Variants in AKAP1 observed in about 807,000 individuals in gnomAD.
AKAP1 encodes the protein A-kinase anchoring protein 1.
A neutral mutation model predicts 79.8 loss-of-function variants in AKAP1; 32 were observed. That is an observed-to-expected ratio of 0.40 (90% confidence interval 0.30 to 0.54). The LOEUF is 0.54. Among genes scored for constraint, AKAP1 ranks in the 20% least tolerant of loss-of-function variants. The pLI is 0.47. For missense variants in AKAP1, 961 were observed against 1,138.9 expected (o/e 0.84, Z 2.25); for synonymous variants, 416 against 466.7 (o/e 0.89, Z 1.40).
At chr17:57,095,415 C>G (rs913725016) in intron 1 of AKAP1, 1 of 151,396 alleles carries the variant, frequency 6.6e-6, no homozygotes, top group Non-Finnish European at 1.5e-5. Flanking sequence ...GCAATCCTCC[C>G]GAAGTGTTGG....
intron 2 of AKAP1, 36 bp from the exon 3 acceptor site, chr17:57,109,980 AGTGGGGTCT>A: frequency 6.2e-7 from 1 of 1,600,980 alleles, no homozygotes; most frequent in Non-Finnish European, 8.5e-7. Flanking sequence ...GGCTGCTCTG[AGTGGGGTCT>A]GTGTGTGTGC....
Position 57,086,016 on chromosome 17 carries a change from G to C in AKAP1, c.-25+618G>C. On this transcript the variant is annotated intron_variant, in intron 1 of 10. Coordinates refer to ENST00000337714, the MANE Select transcript of AKAP1 (RefSeq NM_003488.4). This position sits in a 1 kb window ranked among gnomAD's most constrained non-coding sequence, Gnocchi z 5.1. ...GGAAGATGGGCCGGGACATCGGCCG[G>C]TTGTGATCCAACCGTGTTTCGGGCT... 5.1e-6 allele frequency: 1 copy of C among 194,816 alleles called. No individual in the cohort carries two copies. 12.1% of individuals were successfully genotyped at this position (194,816 alleles called of 1,614,324 possible).
chr17:57,100,039 G>A (rs993893113), intron 1 of AKAP1, among the ~76,000 whole-genome samples: 8 of 152,138 alleles, frequency 5.3e-5, no homozygotes, highest in African/African-American at 1.9e-4. Flanking sequence ...TTCTAAAGGG[G>A]TGGGGCTTCT....
chr17:57,120,234 GAA>G lies in AKAP1; in HGVS notation c.2638-15_2638-14del, dbSNP rs748102703. The G allele has an allele frequency of 1.0e-4, 166 of 1,609,700 alleles. 1 individual carries two copies. Among genetic ancestry groups the G allele is most frequent in the Non-Finnish European group, 1.3e-4 (150 of 1,178,536 alleles). ...GATGCCATGGACAAAAGCTTTAAGG[GAA>G]CTTTCTTTTCTAGGTGGTGTTGATA... On this transcript the variant is annotated splice_polypyrimidine_tract_variant and intron_variant, in intron 10 of 10. Transcript: ENST00000337714.
At chr17:57,117,685 C>A (rs182718672) in intron 8 of AKAP1, among the ~76,000 whole-genome samples, 192 of 149,826 alleles carry the variant, frequency 1.3e-3, no homozygotes, top group African/African-American at 4.5e-3. Flanking sequence ...TGCTGTTGCC[C>A]CTCCTTCCTC....
intron 3 of AKAP1, among the ~76,000 whole-genome samples, chr17:57,110,501 C>T (rs1915174886): frequency 6.6e-6 from 1 of 152,180 alleles, no homozygotes; most frequent in Non-Finnish European, 1.5e-5. Context: ...GCCAGAATCC[C>T]TTCACTGAGC....
chr17:57,112,757 G>A, intron 5 of AKAP1, 139 bp downstream of exon 5: 2 of 1,283,106 alleles, frequency 1.6e-6, no homozygotes, highest in Non-Finnish European at 2.1e-6. Flanking sequence ...GCCTCTGCTG[G>A]TCGGTTCTGC....
chr17:57,101,070 A>C lies in AKAP1; in HGVS notation c.-24-4371A>C, dbSNP rs146240851. On this transcript the variant is annotated intron_variant, in intron 1 of 10. Transcript: ENST00000337714. ...AATTATTTTTATTGGGCAGCCCCCA[A>C]ACTAGAATAGGTGTAGGGAGACTTC... Among the ~76,000 whole-genome samples, 12 of 152,370 alleles carry C rather than the reference A, an allele frequency of 7.9e-5. 1 individual carries two copies. In the East Asian group the frequency reaches 2.1e-3, roughly 27 times the overall value.
chr17:57,103,427 A>C (rs1311146605), intron 1 of AKAP1, among the ~76,000 whole-genome samples: 1 of 152,204 alleles, frequency 6.6e-6, no homozygotes, highest in Non-Finnish European at 1.5e-5. Context: ...ATTTCTAGCA[A>C]GGTCCTAGGC....
chr17:57,119,151 CTG>C (rs1294927763), intron 10 of AKAP1, 107 bp downstream of exon 10: 5 of 1,247,100 alleles, frequency 4.0e-6, no homozygotes, highest in Admixed American at 3.5e-5. Context: ...GAGGATATAA[CTG>C]TAGACAAGCA....
In AKAP1 at chr17:57,104,167, C is replaced by T. The variant is rs548747474; in HGVS notation, c.-24-1274C>T. On this transcript the variant is annotated intron_variant, in intron 1 of 10. Transcript: ENST00000337714. The stretch of plus-strand genomic sequence containing the variant: ...TAGAGACAGGGTTTCACCGTGTTGC[C>T]CAGGCTAGTCTCAAACTTCTGACCT... 2.0e-5 allele frequency among the ~76,000 whole-genome samples: 3 copies of T among 152,224 alleles called. No homozygotes were observed. In the East Asian group the frequency reaches 5.8e-4, roughly 29 times the overall value.
intron 6 of AKAP1, 105 bp from the exon 7 acceptor site, chr17:57,116,006 T>A (rs1488691010): frequency 2.9e-6 from 4 of 1,360,688 alleles, no homozygotes; most frequent in Non-Finnish European, 4.0e-6. Flanking sequence ...CTGTGGAGGT[T>A]GCAGGCCTCT....
chr17:57,118,879 C>A, intron 9 of AKAP1, 103 bp from the exon 10 acceptor site: 1 of 1,294,622 alleles, frequency 7.7e-7, no homozygotes, highest in South Asian at 1.3e-5. Context: ...CCCACCAGGT[C>A]TCTCCCTCGA....
In AKAP1 at chr17:57,106,487, TGAG is replaced by T. The variant is rs1343045714; in HGVS notation, c.1027_1029del (p.Glu343del). The T allele has an allele frequency of 5.0e-6, 8 of 1,613,162 alleles. No individual in the cohort carries two copies. The highest frequency in any genetic ancestry group is 2.7e-5 in the African/African-American group (2 of 74,402). On this transcript the variant is annotated inframe_deletion, in exon 2 of 11. Transcript: ENST00000337714. ...GAAATGAGGAGGGCTTGGATAGAAATGAGGAGATTAAGCGGGCTGCCTTCCAGA... is the reference window on the plus strand; with the variant it reads ...GAAATGAGGAGGGCTTGGATAGAAATGAGATTAAGCGGGCTGCCTTCCAGA...
chr17:57,110,300 A>G (rs1915162206), intron 3 of AKAP1, 142 bp downstream of exon 3: 19 of 1,156,046 alleles, frequency 1.6e-5, no homozygotes, highest in Middle Eastern at 3.0e-4. Flanking sequence ...GGCCGCAGGG[A>G]AAGGACACGC....
At chr17:57,112,422 G>A in intron 4 of AKAP1, 69 bp from the exon 5 acceptor site, 1 of 1,568,910 alleles carries the variant, frequency 6.4e-7, no homozygotes, top group South Asian at 1.2e-5. Flanking sequence ...CTGTGGCTGT[G>A]TTTTTGTGAG....
chr17:57,107,046 A>G lies in AKAP1; in HGVS notation c.1582A>G (p.Arg528Gly). 6.2e-7 allele frequency: 1 copy of G among 1,614,130 alleles called. No homozygotes were observed. Among genetic ancestry groups the G allele is most frequent in the Non-Finnish European group, 8.5e-7 (1 of 1,180,026 alleles). Reference protein sequence around the residue: ...DSCTETSSSPRDKAITPPLPE... With the variant: ...DSCTETSSSPGDKAITPPLPE... The stretch of plus-strand genomic sequence containing the variant: ...TTGCACAGAGACCAGCTCGAGCCCC[A>G]GGGACAAGGCCATCACCCCGCCACT... Residue 528 changes from arginine (R) to glycine (G), a missense_variant, in exon 2 of 11, where the codon AGG becomes GGG. Coordinates refer to ENST00000337714, the MANE Select transcript of AKAP1 (RefSeq NM_003488.4).
Position 57,104,286 on chromosome 17 carries a change from G to C in AKAP1, c.-24-1155G>C, listed in dbSNP as rs888524328. ...CCAGCCTCGATTCACTTTTCATCCT[G>C]TTCCCAGAATTGCCTTCTAGAAACA... On this transcript the variant is annotated intron_variant, in intron 1 of 10. Transcript: ENST00000337714. 2.0e-5 allele frequency among the ~76,000 whole-genome samples: 3 copies of C among 152,106 alleles called. No individual in the cohort carries two copies. The South Asian group carries it at 6.2e-4, about 32-fold the overall frequency.
intron 7 of AKAP1, 118 bp downstream of exon 7, chr17:57,116,379 C>A: frequency 7.5e-7 from 1 of 1,325,774 alleles, no homozygotes; most frequent in Middle Eastern, 1.9e-4. Flanking sequence ...CCTCCTGCTG[C>A]CTACTGTGTT....
Sources: gnomAD v4.1 joint callset for allele counts (sites outside exome capture counted in the v4.1 genomes callset) on GRCh38, gnomAD v4.1.1 for gene constraint, Gnocchi (gnomAD v3.1) non-coding constraint, MANE v1.5 for transcripts, NCBI Gene and HGNC (gene_info 2026-07-23, HGNC 2026-07-21) for gene names.